TBC1D12: variants seen among roughly 807,000 people sequenced by gnomAD.
TBC1D12 encodes the protein TBC1 domain family member 12.
TBC1D12 carries 56 observed loss-of-function variants against 86.7 expected under a neutral mutation model. The observed-to-expected ratio is 0.65, with a 90% confidence interval of 0.52 to 0.81. TBC1D12 has a LOEUF of 0.81. Among genes scored for constraint, TBC1D12 ranks in the 30% least tolerant of loss-of-function variants. The pLI, the probability that TBC1D12 is intolerant of heterozygous loss-of-function variation, is 0.00. For synonymous variants in TBC1D12, 421 were observed against 411.7 expected, an observed-to-expected ratio of 1.02 and a Z score of -0.27; for missense variants, 1,023 against 1,038.8, an observed-to-expected ratio of 0.98 and a Z score of 0.21.
At chr10:94,522,139 G>A (rs1842169461) in intron 10 of TBC1D12, 56 bp downstream of exon 10, 2 of 1,557,156 alleles carry the variant, frequency 1.3e-6, no homozygotes, top group Non-Finnish European at 1.7e-6. Context: ...CTCTTAGAGT[G>A]AAAAACAATA....
intron 3 of TBC1D12, among the ~76,000 whole-genome samples, chr10:94,478,256 T>C (rs962758879): frequency 6.6e-6 from 1 of 152,068 alleles, no homozygotes; most frequent in Non-Finnish European, 1.5e-5. Context: ...AGTGAAACCC[T>C]GTCTCAGAAA....
intron 1 of TBC1D12, among the ~76,000 whole-genome samples, chr10:94,440,926 T>G (rs2055371597): frequency 6.6e-6 from 1 of 152,336 alleles, no homozygotes; most frequent in South Asian, 2.1e-4. Flanking sequence ...CTCGGCTCAC[T>G]GCAACCTCCG....
At chr10:94,446,272 A>T (rs576982327) in intron 2 of TBC1D12, among the ~76,000 whole-genome samples, 37 of 152,366 alleles carry the variant, frequency 2.4e-4, no homozygotes, top group Middle Eastern at 3.4e-3. Flanking sequence ...GTTTGGAATC[A>T]GAAACCGAAA....
At chr10:94,443,685 A>G (rs1422186949) in intron 2 of TBC1D12, among the ~76,000 whole-genome samples, 2 of 152,226 alleles carry the variant, frequency 1.3e-5, no homozygotes, top group Non-Finnish European at 2.9e-5. Flanking sequence ...AAGTGCTACT[A>G]CATACTTTTC....
chr10:94,406,295 G>T (rs2054853211), intron 1 of TBC1D12, among the ~76,000 whole-genome samples: 1 of 152,150 alleles, frequency 6.6e-6, no homozygotes, highest in Admixed American at 6.6e-5. Flanking sequence ...ATTCATATGT[G>T]TCAGAGCACT....
intron 2 of TBC1D12, among the ~76,000 whole-genome samples, chr10:94,447,071 A>C (rs1023563268): frequency 5.9e-5 from 9 of 151,778 alleles, no homozygotes; most frequent in South Asian, 2.1e-4. Flanking sequence ...AAAAAAAAAA[A>C]AAAAACCTTT....
At chr10:94,405,650 G>C (rs1328100097) in intron 1 of TBC1D12, among the ~76,000 whole-genome samples, 43 of 152,194 alleles carry the variant, frequency 2.8e-4, no homozygotes, top group Non-Finnish European at 4.4e-5. Context: ...AGGGGCTTTG[G>C]AGATAACAAA....
chr10:94,520,281 A>G (rs936936583), intron 9 of TBC1D12, among the ~76,000 whole-genome samples: 7 of 151,888 alleles, frequency 4.6e-5, no homozygotes, highest in East Asian at 3.9e-4. Context: ...AGCCGGGTGC[A>G]GTGGCTCACG....
intron 1 of TBC1D12, among the ~76,000 whole-genome samples, chr10:94,435,677 A>G (rs543116429): frequency 6.6e-6 from 1 of 152,278 alleles, no homozygotes; most frequent in South Asian, 2.1e-4. Flanking sequence ...TTTGAACAGA[A>G]CTCATTACTT....
chr10:94,429,401 C>G (rs1026120040), intron 1 of TBC1D12, among the ~76,000 whole-genome samples: 7 of 151,882 alleles, frequency 4.6e-5, no homozygotes, highest in Non-Finnish European at 8.8e-5. Context: ...AAAAACCCTA[C>G]TTTTTTTGCA....
intron 2 of TBC1D12, among the ~76,000 whole-genome samples, chr10:94,465,525 A>G (rs893194483): frequency 1.3e-5 from 2 of 152,058 alleles, no homozygotes; most frequent in Non-Finnish European, 2.9e-5. Context: ...ACGTGCCTGT[A>G]GTCTCAGCTA....
chr10:94,432,261 A>C (rs902842476), intron 1 of TBC1D12, among the ~76,000 whole-genome samples: 1 of 152,108 alleles, frequency 6.6e-6, no homozygotes, highest in African/African-American at 2.4e-5. Flanking sequence ...TCGCGAGACA[A>C]GGGATGGGGC....
chr10:94,473,132 G>C (rs974517752), intron 2 of TBC1D12, among the ~76,000 whole-genome samples: 1 of 151,664 alleles, frequency 6.6e-6, no homozygotes, highest in East Asian at 1.9e-4. Context: ...AGGTGGGCGG[G>C]TCACAAGTTC....
At chr10:94,478,955 A>G (rs2056035927) in intron 3 of TBC1D12, among the ~76,000 whole-genome samples, 1 of 147,238 alleles carries the variant, frequency 6.8e-6, no homozygotes, top group Non-Finnish European at 1.5e-5. Context: ...ACTCTGTCTC[A>G]AAAAAAAAAA....
chr10:94,493,229 A>G (rs887261456), intron 3 of TBC1D12, 136 bp from the exon 4 acceptor site: 12 of 684,960 alleles, frequency 1.8e-5, no homozygotes, highest in Non-Finnish European at 2.8e-5. Context: ...AGTTCTTTTC[A>G]GCCTTTCACT....
chr10:94,481,429 C>G (rs2056077375), intron 3 of TBC1D12, among the ~76,000 whole-genome samples: 1 of 151,442 alleles, frequency 6.6e-6, no homozygotes, highest in African/African-American at 2.4e-5. Flanking sequence ...TGCAGCTTCC[C>G]CATCAGCACT....
Position 94,536,073 on chromosome 10 carries a change from A to T in TBC1D12, c.*2977A>T. ...CTAAGCCTTCAGTCTTTTTAGACTGACAGTACTGGCAGCTAAAATATTGTA... is the reference window on the plus strand; with the variant it reads ...CTAAGCCTTCAGTCTTTTTAGACTGTCAGTACTGGCAGCTAAAATATTGTA... On this transcript the variant is annotated 3_prime_UTR_variant, in exon 13 of 13. Coordinates refer to ENST00000225235, the MANE Select transcript of TBC1D12 (RefSeq NM_015188.2). 6.6e-6 allele frequency: 1 copy of T among 152,256 alleles called. No individual in the cohort carries two copies. Among genetic ancestry groups the T allele is most frequent in the Non-Finnish European group, 1.5e-5 (1 of 67,984 alleles). 9.4% of individuals were successfully genotyped at this position (152,256 alleles called of 1,614,324 possible).
Position 94,441,933 on chromosome 10 carries a change from G to A in TBC1D12, c.1009G>A (p.Val337Ile), listed in dbSNP as rs751369975. The A allele has an allele frequency of 3.7e-6, 6 of 1,613,184 alleles. No individual in the cohort carries two copies. The highest frequency in any genetic ancestry group is 4.5e-5 in the East Asian group (2 of 44,756). ...FPKRTKELKS[V>I]VHSAPGWKLF... ...AAAAAGGACAAAGGAACTCAAATCA[G>A]TTGTCCATAGTGCTCCTGGTTGGAA... The change falls in exon 2 of 13, where the codon GTT becomes ATT. Residue 337 changes from valine to isoleucine, a missense_variant. Physicochemically the swap from Val to Ile is conservative, Grantham distance 29 (BLOSUM62 3). Around this residue, in one of 2 missense-constraint regions of TBC1D12, gnomAD observed 628 missense variants for 531.1 expected, o/e 1.18. Coordinates refer to ENST00000225235, the MANE Select transcript of TBC1D12 (RefSeq NM_015188.2).
intron 6 of TBC1D12, among the ~76,000 whole-genome samples, chr10:94,501,042 C>T (rs1390151023): frequency 2.0e-5 from 3 of 148,922 alleles, no homozygotes; most frequent in African/African-American, 5.0e-5. Context: ...GGCAAAAGAG[C>T]GAGACTCTAT....
Sources: gnomAD v4.1 joint callset for allele counts (sites outside exome capture counted in the v4.1 genomes callset) on GRCh38, gnomAD v4.1.1 for gene constraint, gnomAD v4.1.1 regional missense constraint, MANE v1.5 for transcripts, NCBI Gene and HGNC (gene_info 2026-07-23, HGNC 2026-07-21) for gene names.